The following ANGPT4 variants were observed in gnomAD, a reference collection of about 807,000 sequenced individuals.
ANGPT4 encodes the protein angiopoietin 4, also known as angiopoietin-4.
ANGPT4 carries 50 observed loss-of-function variants against 53.0 expected under a neutral mutation model. The observed-to-expected ratio is 0.94, with a 90% CI of 0.75 to 1.20. ANGPT4 has a LOEUF of 1.20. ANGPT4 is among the 50% of genes most tolerant of loss of function. ANGPT4 has a pLI of 0.00. For synonymous variants in ANGPT4, 251 were observed against 259.7 expected (o/e 0.97, Z 0.32); for missense variants, 648 against 637.1 (o/e 1.02, Z -0.18).
Position 908,413 on chromosome 20 carries a change from G to A in ANGPT4, c.309+7493C>T, listed in dbSNP as rs1982566094. ...TGGAATGCTTTTGCTTCCTTTCCCT[G>A]TCTCGCCACTGCCAACCCAGCCTTT... On this transcript the variant is annotated intron_variant, in intron 1 of 8. Transcript: ENST00000381922. This position sits in a 1 kb window ranked among gnomAD's most constrained non-coding sequence, Gnocchi z 4.9. Among the ~76,000 whole-genome samples, 1 of 152,122 alleles carries A rather than the reference G, an allele frequency of 6.6e-6. No homozygotes were observed. Among genetic ancestry groups the A allele is most frequent in the African/African-American group, 2.4e-5 (1 of 41,420 alleles).
At position 908,950 on chromosome 20, in the gene ANGPT4, C is replaced by T. The variant is rs1982591942; in HGVS notation, c.309+6956G>A. Among the ~76,000 whole-genome samples the T allele has an allele frequency of 1.3e-5, 2 of 152,122 alleles. No individual in the cohort carries two copies. Among genetic ancestry groups the T allele is most frequent in the South Asian group, 4.1e-4 (2 of 4,820 alleles). On this transcript the variant is annotated intron_variant, in intron 1 of 8. Transcript: ENST00000381922. This position sits in a 1 kb window ranked among gnomAD's most constrained non-coding sequence, Gnocchi z 4.9. ...CCCTGGGTTCTGGGCCAACTCCTGCCACCGACCCTTGGGTGAATGTGATTG... is the reference window on the plus strand; with the variant it reads ...CCCTGGGTTCTGGGCCAACTCCTGCTACCGACCCTTGGGTGAATGTGATTG...
intron 3 of ANGPT4, among the ~76,000 whole-genome samples, chr20:887,990 A>T (rs994390721): frequency 3.3e-5 from 5 of 152,028 alleles, no homozygotes; most frequent in Non-Finnish European, 7.4e-5. Context: ...GGGGCCAGGC[A>T]ATGTGTTTGC....
intron 1 of ANGPT4, among the ~76,000 whole-genome samples, chr20:910,360 C>T (rs142544139): frequency 4.7e-4 from 71 of 152,316 alleles, no homozygotes; most frequent in African/African-American, 1.6e-3. Flanking sequence ...ATCCTCCACT[C>T]ATTCTGGGAG....
At chr20:915,224 G>GC (rs143189522) in intron 1 of ANGPT4, among the ~76,000 whole-genome samples, 21,594 of 145,260 alleles carry the variant, frequency 0.15, 2,577 homozygotes, top group African/African-American at 0.34. Flanking sequence ...CCTTCCAGTG[G>GC]CCCCCCCCCC....
intron 5 of ANGPT4, 47 bp from the exon 6 acceptor site, chr20:879,895 A>G: frequency 6.7e-7 from 1 of 1,503,240 alleles, no homozygotes; most frequent in Non-Finnish European, 9.2e-7. Flanking sequence ...GGAGGTAGCC[A>G]GAGGCCAGGC....
intron 2 of ANGPT4, 51 bp downstream of exon 2, chr20:890,162 C>A (rs756117741): frequency 1.9e-6 from 3 of 1,585,074 alleles, no homozygotes; most frequent in African/African-American, 1.3e-5. Context: ...GGCTACGAAC[C>A]AGCCTGGCCA....
chr20:880,587 CAA>C (rs111674845), intron 5 of ANGPT4, among the ~76,000 whole-genome samples: 1 of 143,628 alleles, frequency 7.0e-6, no homozygotes, highest in Non-Finnish European at 1.5e-5. Context: ...GACCCTGTCT[CAA>C]AAAAAAAAAG....
intron 3 of ANGPT4, among the ~76,000 whole-genome samples, 154 bp downstream of exon 3, chr20:888,164 G>T (rs1470989096): frequency 6.6e-6 from 1 of 152,176 alleles, no homozygotes. Flanking sequence ...TCCTAGGTCT[G>T]GCTGCAGGCC....
At chr20:874,839 A>C (rs1399827325) in intron 7 of ANGPT4, among the ~76,000 whole-genome samples, 1 of 152,100 alleles carries the variant, frequency 6.6e-6, no homozygotes, top group Non-Finnish European at 1.5e-5. Flanking sequence ...CAGTCTCCTG[A>C]GTAAATGGGA....
intron 1 of ANGPT4, among the ~76,000 whole-genome samples, chr20:905,113 C>T (rs1348134470): frequency 3.3e-5 from 5 of 152,188 alleles, no homozygotes; most frequent in African/African-American, 1.2e-4. Context: ...ACTTCTAGGT[C>T]TCCCTGAAAA....
intron 7 of ANGPT4, among the ~76,000 whole-genome samples, chr20:875,361 G>A (rs116197407): frequency 0.012 from 1,829 of 152,252 alleles, 41 homozygotes; most frequent in African/African-American, 0.042. Flanking sequence ...ATGGATCTGG[G>A]CTCCAGGGCA....
At chr20:896,565 ATCTC>A (rs775289654) in intron 1 of ANGPT4, among the ~76,000 whole-genome samples, 15 of 152,198 alleles carry the variant, frequency 9.9e-5, no homozygotes, top group Non-Finnish European at 1.9e-4. Flanking sequence ...CCCTGCAGCT[ATCTC>A]TCTTCCATGG....
At chr20:896,256 C>T (rs111972506) in intron 1 of ANGPT4, among the ~76,000 whole-genome samples, 33 of 152,108 alleles carry the variant, frequency 2.2e-4, no homozygotes, top group Non-Finnish European at 3.5e-4. Flanking sequence ...GAGCAAAATT[C>T]GTAAAGTTTC....
intron 3 of ANGPT4, 75 bp from the exon 4 acceptor site, chr20:885,400 C>T (rs1276791459): frequency 7.0e-6 from 10 of 1,438,252 alleles, no homozygotes; most frequent in African/African-American, 2.9e-5. Flanking sequence ...CTCCCCGGCC[C>T]TGGAGTCCCT....
Position 872,803 on chromosome 20 carries a change from T to G in ANGPT4, c.*157A>C. The stretch of plus-strand genomic sequence containing the variant: ...AGACGGAGGGGAGTTGGGGGGCAGA[T>G]GACCCTTCTGGACTTCTGGGTCAAG... On this transcript the variant is annotated 3_prime_UTR_variant, in exon 9 of 9. Coordinates refer to ENST00000381922, the MANE Select transcript of ANGPT4 (RefSeq NM_015985.4). The G allele has an allele frequency of 3.4e-6, 3 of 874,712 alleles. No individual in the cohort carries two copies. Among genetic ancestry groups the G allele is most frequent in the Non-Finnish European group, 5.3e-6 (3 of 569,378 alleles). The allele number at this position is 874,712 out of a possible 1,614,324, so 54.2% of individuals were successfully genotyped here.
Position 908,358 on chromosome 20 carries a change from A to G in ANGPT4, c.309+7548T>C, listed in dbSNP as rs753440897. Among the ~76,000 whole-genome samples the G allele has an allele frequency of 7.2e-5, 11 of 152,106 alleles. No homozygotes were observed. The highest frequency in any genetic ancestry group is 1.3e-4 in the Non-Finnish European group (9 of 68,020). ...TTTGCTTTTGGCCCATTCTACCCCCAGGGCCTTTGCACTTGCTGTCCCGTG... is the reference window on the plus strand; with the variant it reads ...TTTGCTTTTGGCCCATTCTACCCCCGGGGCCTTTGCACTTGCTGTCCCGTG... On this transcript the variant is annotated intron_variant, in intron 1 of 8. Transcript: ENST00000381922. The surrounding 1 kb of genome is among the most constrained non-coding windows in gnomAD (Gnocchi z 4.9).
In ANGPT4 at chr20:889,281, C is replaced by T. The variant is rs549951676; in HGVS notation, c.466-842G>A. ...TATGCAGACATGTGTTGCTTAATGACGGAAAGATGTTGTAAGAAAGTCGTC... is the reference window on the plus strand; with the variant it reads ...TATGCAGACATGTGTTGCTTAATGATGGAAAGATGTTGTAAGAAAGTCGTC... On this transcript the variant is annotated intron_variant, in intron 2 of 8. Transcript: ENST00000381922. Among the ~76,000 whole-genome samples, 19 of 151,640 alleles carry T rather than the reference C, an allele frequency of 1.3e-4. No individual in the cohort carries two copies. The South Asian group carries it at 2.5e-3, about 20-fold the overall frequency.
At position 896,070 on chromosome 20, in the gene ANGPT4, C is replaced by T. The variant is rs146964926; in HGVS notation, c.310-5702G>A. ...TGGGTCATACCTCAGTAAAAAACAA[C>T]GCCCCCAACACAAGGTTCTATAAAA... On this transcript the variant is annotated intron_variant, in intron 1 of 8. Coordinates refer to ENST00000381922, the MANE Select transcript of ANGPT4 (RefSeq NM_015985.4). 3.3e-3 allele frequency among the ~76,000 whole-genome samples: 509 copies of T among 152,234 alleles called. 4 individuals carry two copies. Among genetic ancestry groups the T allele is most frequent in the Middle Eastern group, 0.024 (7 of 294 alleles).
chr20:898,875 C>T (rs1006368575), intron 1 of ANGPT4, among the ~76,000 whole-genome samples: 3 of 152,212 alleles, frequency 2.0e-5, no homozygotes, highest in Non-Finnish European at 4.4e-5. Flanking sequence ...GGGATTCCTC[C>T]TAAGCCGTGT....
Sources: allele counts gnomAD v4.1 joint callset (sites outside exome capture counted in the v4.1 genomes callset), GRCh38; gene constraint gnomAD v4.1.1; non-coding constraint Gnocchi (gnomAD v3.1); transcripts MANE v1.5; gene names NCBI Gene and HGNC (gene_info 2026-07-23, HGNC 2026-07-21).